The following PRKG2 variants were observed in gnomAD, a reference collection of about 807,000 sequenced individuals.
PRKG2 encodes protein kinase cGMP-dependent 2.
A neutral mutation model predicts 97.2 loss-of-function variants in PRKG2; 33 were observed. The observed-to-expected ratio is 0.34, with a 90% CI of 0.26 to 0.45. The LOEUF (loss-of-function observed/expected upper bound fraction) is 0.45. Among genes scored for constraint, PRKG2 ranks in the 20% least tolerant of loss-of-function variants. PRKG2 has a pLI of 1.00. For missense variants in PRKG2, 638 were observed against 900.0 expected, an observed-to-expected ratio of 0.71 and a Z score of 3.73; for synonymous variants, 330 against 321.8, an observed-to-expected ratio of 1.03 and a Z score of -0.27.
chr4:81,123,364 T>G (rs1424784160), intron 14 of PRKG2, among the ~76,000 whole-genome samples: 2 of 152,244 alleles, frequency 1.3e-5, no homozygotes, highest in Non-Finnish European at 2.9e-5. Flanking sequence ...CCTCATATTT[T>G]AAGCATATCT....
intron 17 of PRKG2, 65 bp downstream of exon 17, chr4:81,104,305 T>G: frequency 8.0e-7 from 1 of 1,246,984 alleles, no homozygotes; most frequent in Non-Finnish European, 1.1e-6. Flanking sequence ...TGAGAGAAGC[T>G]TTTGCAAGTA....
chr4:81,215,136 TG>T lies in PRKG2; in HGVS notation c.-215del, dbSNP rs1754216239. 2 of 152,400 alleles carry T rather than the reference TG, an allele frequency of 1.3e-5. No homozygotes were observed. The highest frequency in any genetic ancestry group is 2.9e-5 in the Non-Finnish European group (2 of 68,234). The allele number at this position is 152,400 out of a possible 1,614,324, so 9.4% of individuals were successfully genotyped here. Reference sequence around the variant, plus strand: ...CCGGCTCAGTCGCTCCGGCTACGTGTGAGCCGGGGGCGCGGGTTAGCGCGAT... The same window carrying T: ...CCGGCTCAGTCGCTCCGGCTACGTGTAGCCGGGGGCGCGGGTTAGCGCGAT... On this transcript the variant is annotated 5_prime_UTR_variant, in exon 1 of 19. Transcript: ENST00000264399.
chr4:81,102,649 C>T (rs1056053216), intron 17 of PRKG2, among the ~76,000 whole-genome samples: 7 of 152,100 alleles, frequency 4.6e-5, no homozygotes, highest in Non-Finnish European at 1.0e-4. Context: ...TCTTTCCTTC[C>T]TATGTTTCCT....
At chr4:81,185,401 A>G (rs1387511634) in intron 2 of PRKG2, among the ~76,000 whole-genome samples, 1 of 152,184 alleles carries the variant, frequency 6.6e-6, no homozygotes, top group East Asian at 1.9e-4. Flanking sequence ...AAGGAGAAAT[A>G]AAATCCTTTA....
In PRKG2 at chr4:81,088,298, G is replaced by A. The variant is rs1179441267; in HGVS notation, c.*1410C>T. 6.6e-6 allele frequency: 1 copy of A among 152,088 alleles called. No homozygotes were observed. The highest frequency in any genetic ancestry group is 1.5e-5 in the Non-Finnish European group (1 of 68,008). The allele number at this position is 152,088 out of a possible 1,614,324, so 9.4% of individuals were successfully genotyped here. A position where few individuals can be genotyped will look rare whatever the true frequency, so the allele number is the denominator to read the frequency against. On this transcript the variant is annotated 3_prime_UTR_variant, in exon 19 of 19. Transcript: ENST00000264399. ...TTTCTGGATGATGAAATTATGAGTG[G>A]GGACTGGGTAGAGGTTCCTTTTGAC...
intron 3 of PRKG2, among the ~76,000 whole-genome samples, chr4:81,172,915 G>A (rs1972127): frequency 0.24 from 36,256 of 151,356 alleles, 8,432 homozygotes; most frequent in African/African-American, 0.59. Flanking sequence ...TACTAGCAAG[G>A]AAAAAAAACA....
intron 16 of PRKG2, among the ~76,000 whole-genome samples, chr4:81,105,236 T>C (rs1743210662): frequency 6.6e-6 from 1 of 152,134 alleles, no homozygotes; most frequent in East Asian, 1.9e-4. Flanking sequence ...CTTTGAACAT[T>C]GAATTTATTC....
At chr4:81,090,385 ATGTC>A (rs1371415133) in intron 18 of PRKG2, among the ~76,000 whole-genome samples, 5 of 151,964 alleles carry the variant, frequency 3.3e-5, no homozygotes, top group Non-Finnish European at 7.4e-5. Context: ...GACAGAAATG[ATGTC>A]TATTTATTTT....
chr4:81,157,681 A>G (rs1749225839), intron 6 of PRKG2, among the ~76,000 whole-genome samples: 1 of 152,132 alleles, frequency 6.6e-6, no homozygotes, highest in African/African-American at 2.4e-5. Context: ...AAAATCCTCA[A>G]TAAAATACTG....
chr4:81,106,503 C>A (rs80007708), intron 15 of PRKG2, among the ~76,000 whole-genome samples: 3,085 of 152,198 alleles, frequency 0.02, 105 homozygotes, highest in African/African-American at 0.071. Flanking sequence ...ACATTCTGAG[C>A]AGGATGATCT....
chr4:81,177,271 A>G (rs761692059), intron 2 of PRKG2, among the ~76,000 whole-genome samples: 34 of 152,208 alleles, frequency 2.2e-4, no homozygotes, highest in Non-Finnish European at 3.4e-4. Context: ...TTAATTAAAC[A>G]TGACCCATGG....
chr4:81,187,879 G>A (rs1752026770), intron 2 of PRKG2, among the ~76,000 whole-genome samples: 1 of 151,996 alleles, frequency 6.6e-6, no homozygotes, highest in Admixed American at 6.6e-5. Context: ...ATTCAAGATG[G>A]ATTAAAGACT....
chr4:81,098,059 A>G (rs1742305296), intron 17 of PRKG2, among the ~76,000 whole-genome samples: 1 of 152,098 alleles, frequency 6.6e-6, no homozygotes. Context: ...AGAGATTAAC[A>G]TTTGTGTTAG....
In PRKG2 at chr4:81,089,696, A is replaced by C. The variant is rs1309880338; in HGVS notation, c.*12T>G. The C allele has an allele frequency of 6.4e-7, 1 of 1,570,464 alleles. No homozygotes were observed. Among genetic ancestry groups the C allele is most frequent in the Admixed American group, 1.7e-5 (1 of 59,850 alleles). ...TTCTGTAGAGTACAGGCAGTAATCA[A>C]CTTTTCTTCTGTCAGAAGTCTTTAT... On this transcript the variant is annotated 3_prime_UTR_variant, in exon 19 of 19. Coordinates refer to ENST00000264399, the MANE Select transcript of PRKG2 (RefSeq NM_006259.3).
chr4:81,122,998 A>T (rs1354664218), intron 14 of PRKG2, among the ~76,000 whole-genome samples: 1 of 152,248 alleles, frequency 6.6e-6, no homozygotes, highest in African/African-American at 2.4e-5. Context: ...AAACTTGCTT[A>T]ATGTCCCAGT....
intron 7 of PRKG2, 194 bp downstream of exon 7, chr4:81,153,450 T>A (rs1748619283): frequency 2.0e-6 from 1 of 491,540 alleles, no homozygotes; most frequent in South Asian, 2.8e-5. Context: ...TAAGAAGTTA[T>A]TATTTCTTAG....
At chr4:81,108,042 T>G (rs1283954736) in intron 15 of PRKG2, among the ~76,000 whole-genome samples, 1 of 151,780 alleles carries the variant, frequency 6.6e-6, no homozygotes, top group Admixed American at 6.6e-5. Flanking sequence ...CTGTCTCTAC[T>G]AAAAATACAA....
chr4:81,185,009 A>T lies in PRKG2; in HGVS notation c.462-10050T>A, dbSNP rs1751746483. Among the ~76,000 whole-genome samples, 3 of 152,210 alleles carry T rather than the reference A, an allele frequency of 2.0e-5. No individual in the cohort carries two copies. In the South Asian group the frequency reaches 6.2e-4, roughly 31 times the overall value. On this transcript the variant is annotated intron_variant, in intron 2 of 18. Transcript: ENST00000264399. ...GACCAAACTTACATTTGAGTGGTAT[A>T]CCTGAAAGTGATGGGGAGAATGGAA...
At chr4:81,217,617 T>A (rs1167074097), upstream of PRKG2, among the ~76,000 whole-genome samples, 1 of 152,202 alleles carries the variant, frequency 6.6e-6, no homozygotes, top group African/African-American at 2.4e-5. Context: ...AATTAACTTG[T>A]GATCTCTGCC....
Sources: allele counts gnomAD v4.1 joint callset (sites outside exome capture counted in the v4.1 genomes callset), GRCh38; gene constraint gnomAD v4.1.1; transcripts MANE v1.5; gene names NCBI Gene and HGNC (gene_info 2026-07-23, HGNC 2026-07-21).